The following GAK variants were observed in gnomAD, a reference collection of about 807,000 sequenced individuals.
GAK encodes cyclin G associated kinase.
A neutral mutation model predicts 143.9 loss-of-function variants in GAK; 79 were observed. The ratio of observed to expected loss-of-function variants is 0.55; its 90% CI spans 0.46 to 0.66. The LOEUF (loss-of-function observed/expected upper bound fraction) is 0.66, where lower values mean the gene tolerates loss of function less well. GAK is among the 30% of genes least tolerant of loss of function. The pLI is 0.00. For synonymous variants in GAK, 881 were observed against 765.5 expected (o/e 1.15, Z -2.49); for missense variants, 1,693 against 1,779.7 (o/e 0.95, Z 0.88).
chr4:877,769 T>C lies in GAK; in HGVS notation c.1702A>G (p.Ile568Val). The C allele has an allele frequency of 6.2e-7, 1 of 1,611,452 alleles. No individual in the cohort carries two copies. The highest frequency in any genetic ancestry group is 8.5e-7 in the Non-Finnish European group (1 of 1,179,100). The change falls in exon 16 of 28, where the codon ATC becomes GTC. Residue 568 changes from isoleucine to valine, a missense_variant. By Grantham distance (29) the Ile-to-Val change is conservative (BLOSUM62 3). Around this residue, in one of 2 missense-constraint regions of GAK, gnomAD observed 871 missense variants for 991.0 expected, o/e 0.88. Coordinates refer to ENST00000314167, the MANE Select transcript of GAK (RefSeq NM_005255.4). ...AGGATGGGCTTGCTGTGGGGTGTGATGGGCTCCTCCGCCACCATGTCACAC... is the reference window on the plus strand; with the variant it reads ...AGGATGGGCTTGCTGTGGGGTGTGACGGGCTCCTCCGCCACCATGTCACAC... The part of the protein sequence containing the change: ...YMCDMVAEEP[I>V]TPHSKPILVR...
chr4:912,237 G>A (rs1332354174), intron 3 of GAK: 5 of 443,468 alleles, frequency 1.1e-5, no homozygotes, highest in African/African-American at 8.0e-5. Flanking sequence ...AGGCTCAGGA[G>A]GGACATGTGG....
chr4:856,283 C>T (rs1446529681), intron 24 of GAK, among the ~76,000 whole-genome samples: 90 of 141,080 alleles, frequency 6.4e-4, no homozygotes, highest in Non-Finnish European at 1.2e-3. Flanking sequence ...TCACACCTCA[C>T]CACAGCTGCT....
chr4:899,954 G>C (rs1719544861), intron 5 of GAK, among the ~76,000 whole-genome samples: 1 of 152,228 alleles, frequency 6.6e-6, no homozygotes, highest in Admixed American at 6.5e-5. Context: ...ACAGGACCGG[G>C]GCCTCTGAAC....
At chr4:917,455 C>T (rs939219570) in intron 1 of GAK, among the ~76,000 whole-genome samples, 3 of 151,990 alleles carry the variant, frequency 2.0e-5, no homozygotes, top group African/African-American at 7.3e-5. Context: ...TATACACATA[C>T]AGTCAGTGTA....
intron 23 of GAK, among the ~76,000 whole-genome samples, chr4:862,688 C>T (rs559816490): frequency 5.9e-5 from 9 of 152,130 alleles, no homozygotes; most frequent in African/African-American, 1.2e-4. Flanking sequence ...TAAATTGACT[C>T]GGCTTGTGCC....
intron 4 of GAK, among the ~76,000 whole-genome samples, chr4:911,159 C>T (rs188720054): frequency 4.6e-5 from 7 of 152,294 alleles, no homozygotes; most frequent in Non-Finnish European, 7.4e-5. Context: ...TGAGGCTGGG[C>T]ACCCACAGAG....
chr4:910,986 G>A (rs561608871), intron 4 of GAK, among the ~76,000 whole-genome samples: 5 of 152,130 alleles, frequency 3.3e-5, no homozygotes, highest in African/African-American at 7.2e-5. Context: ...GCCAGTCAGC[G>A]TGGGCTCCGG....
intron 5 of GAK, among the ~76,000 whole-genome samples, chr4:902,603 A>AAAAAAAAAAAAAAC (rs1560401445): frequency 6.7e-6 from 1 of 149,652 alleles, no homozygotes; most frequent in Non-Finnish European, 1.5e-5. Context: ...ACTCAAAAAA[A>AAAAAAAAAAAAAAC]AAAAAAAAAA....
In GAK at chr4:852,241, C is replaced by T. The variant is rs146314398; in HGVS notation, c.3284-267G>A. The T allele has an allele frequency of 2.6e-3, 1,421 of 552,542 alleles. 40 individuals carry two copies. In the East Asian group the frequency reaches 0.041, roughly 16 times the overall value. 34.2% of individuals were successfully genotyped at this position (552,542 alleles called of 1,614,324 possible). On this transcript the variant is annotated intron_variant, in intron 24 of 27. Transcript: ENST00000314167. The stretch of plus-strand genomic sequence containing the variant: ...GGCAGCTGTGGAGGCAGCACCCCAC[C>T]CCCAGGAGCCAAGGCAGACCCAGGG...
intron 14 of GAK, 83 bp from the exon 15 acceptor site, chr4:882,123 C>T: frequency 1.4e-6 from 2 of 1,443,982 alleles, no homozygotes; most frequent in South Asian, 2.6e-5. Context: ...TCCTACCCAC[C>T]CTGTGGCTGC....
At chr4:926,715 C>A (rs1724806438) in intron 1 of GAK, among the ~76,000 whole-genome samples, 1 of 152,124 alleles carries the variant, frequency 6.6e-6, no homozygotes, top group African/African-American at 2.4e-5. Flanking sequence ...GCGGTTGGTA[C>A]CAGGAGAGCC....
chr4:888,851 C>T lies in GAK; in HGVS notation c.1201G>A (p.Ala401Thr), dbSNP rs140876519. The T allele has an allele frequency of 1.5e-4, 238 of 1,603,516 alleles. No homozygotes were observed. The highest frequency in any genetic ancestry group is 9.2e-4 in the East Asian group (41 of 44,462). The change falls in exon 11 of 28, where the codon GCT becomes ACT. Residue 401 changes from alanine (A) to threonine (T), a missense_variant. Physicochemically the swap from Ala to Thr is moderately conservative, Grantham distance 58. Coordinates refer to ENST00000314167, the MANE Select transcript of GAK (RefSeq NM_005255.4). ...GCTCTGGAGCCTCACACTCACTTAG[C>T]GACGGACTGGATGACCTTGGAGGAG... Reference protein sequence around the residue: ...DTSSKVIQSVANYAKGDLDIS... With the variant: ...DTSSKVIQSVTNYAKGDLDIS...
intron 4 of GAK, 45 bp downstream of exon 4, chr4:911,628 T>C (rs774500982): frequency 7.3e-7 from 1 of 1,377,368 alleles, no homozygotes; most frequent in Non-Finnish European, 1.0e-6. Flanking sequence ...CAAGCCGGCC[T>C]CTGCTGGGTT....
Position 927,692 on chromosome 4 carries a change from C to T in GAK, c.145+4351G>A, listed in dbSNP as rs1335331774. On this transcript the variant is annotated intron_variant, in intron 1 of 27. Coordinates refer to ENST00000314167, the MANE Select transcript of GAK (RefSeq NM_005255.4). ...GTCCGCACTGCCCCGCACCCCTCCCCGCTCACCTGCCCTCCGCACTGCCCC... is the reference window on the plus strand; with the variant it reads ...GTCCGCACTGCCCCGCACCCCTCCCTGCTCACCTGCCCTCCGCACTGCCCC... Among the ~76,000 whole-genome samples the T allele has an allele frequency of 5.1e-4, 21 of 41,156 alleles. 1 individual carries two copies. The South Asian group carries it at 0.021, about 42-fold the overall frequency. 27.0% of individuals were successfully genotyped at this position (41,156 alleles called of 152,430 possible).
chr4:895,567 A>G (rs1462082942), intron 7 of GAK, among the ~76,000 whole-genome samples: 3 of 152,230 alleles, frequency 2.0e-5, no homozygotes, highest in African/African-American at 7.2e-5. Flanking sequence ...CCTTCAGCCC[A>G]TGTGCTGTGG....
At chr4:924,671 T>C (rs1024521457) in intron 1 of GAK, among the ~76,000 whole-genome samples, 5 of 152,282 alleles carry the variant, frequency 3.3e-5, no homozygotes, top group Admixed American at 2.6e-4. Flanking sequence ...AGGGGCCTGG[T>C]GGGAGGTGAC....
At chr4:929,688 A>T (rs1157513717) in intron 1 of GAK, among the ~76,000 whole-genome samples, 1 of 26,802 alleles carries the variant, frequency 3.7e-5, no homozygotes, top group Non-Finnish European at 1.0e-4. Context: ...CTCTTAAATT[A>T]AAAAAAAAAA....
intron 20 of GAK, among the ~76,000 whole-genome samples, chr4:868,142 TG>T (rs150470486): frequency 0.25 from 38,350 of 151,880 alleles, 4,932 homozygotes; most frequent in Non-Finnish European, 0.27. Flanking sequence ...TCAGAGGGGC[TG>T]GGAGCCCACT....
chr4:884,363 C>T, intron 11 of GAK: 2 of 458,224 alleles, frequency 4.4e-6, no homozygotes, highest in Non-Finnish European at 7.9e-6. Context: ...TCTGACTGCC[C>T]CTTCCCCTGC....
Sources: gnomAD v4.1 joint callset for allele counts (sites outside exome capture counted in the v4.1 genomes callset) on GRCh38, gnomAD v4.1.1 for gene constraint, gnomAD v4.1.1 regional missense constraint, MANE v1.5 for transcripts, NCBI Gene and HGNC (gene_info 2026-07-23, HGNC 2026-07-21) for gene names.